RGS6: variants seen among roughly 807,000 people sequenced by gnomAD.
RGS6 encodes regulator of G protein signaling 6, also known as regulator of G-protein signaling 6.
In RGS6, 30 loss-of-function variants were observed where a neutral mutation model predicts 78.5. The ratio of observed to expected loss-of-function variants is 0.38; its 90% CI spans 0.29 to 0.52. RGS6 has a LOEUF of 0.52. Ranked by LOEUF, RGS6 falls within the 20% of genes least tolerant of loss-of-function variation. The probability of loss-of-function intolerance (pLI) is 0.85; values close to 1 mark genes in which losing one functional copy is unlikely to be tolerated. For synonymous variants in RGS6, 206 were observed against 206.0 expected, an observed-to-expected ratio of 1.00 and a Z score of 0.00; for missense variants, 495 against 609.7, an observed-to-expected ratio of 0.81 and a Z score of 1.98.
At chr14:72,000,855 A>G (rs2083293640) in intron 2 of RGS6, among the ~76,000 whole-genome samples, 1 of 152,160 alleles carries the variant, frequency 6.6e-6, no homozygotes, top group South Asian at 2.1e-4. Context: ...GAGGAGTTTC[A>G]TATTGAAAGA....
chr14:72,539,249 A>G lies in RGS6; in HGVS notation c.1369-792A>G, dbSNP rs3825713. Among the ~76,000 whole-genome samples the G allele has an allele frequency of 9.3e-3, 1,420 of 152,226 alleles. 17 individuals carry two copies. Among genetic ancestry groups the G allele is most frequent in the East Asian group, 0.059 (303 of 5,160 alleles). Reference sequence around the variant, plus strand: ...CGCTCCTGTTCTGGGAACCCCAGCTAAGAGTTCCCCACAATGGTTTCTGAG... The same window carrying G: ...CGCTCCTGTTCTGGGAACCCCAGCTGAGAGTTCCCCACAATGGTTTCTGAG... On this transcript the variant is annotated intron_variant, in intron 16 of 17. Transcript: ENST00000553525.
chr14:72,382,016 C>T (rs1022536884), intron 3 of RGS6, among the ~76,000 whole-genome samples: 1 of 151,592 alleles, frequency 6.6e-6, no homozygotes, highest in Non-Finnish European at 1.5e-5. Context: ...TATCCAGATG[C>T]AGAAGAATGG....
intron 2 of RGS6, among the ~76,000 whole-genome samples, chr14:72,346,759 C>T (rs1007877809): frequency 1.3e-5 from 2 of 152,228 alleles, no homozygotes; most frequent in African/African-American, 4.8e-5. Flanking sequence ...TGAGGCCAGC[C>T]AGTCTCCTGG....
chr14:72,196,619 T>C (rs2040222529), intron 2 of RGS6, among the ~76,000 whole-genome samples: 2 of 152,188 alleles, frequency 1.3e-5, no homozygotes. Context: ...AAAGGGAAAA[T>C]ATGTGTACCA....
intron 2 of RGS6, among the ~76,000 whole-genome samples, chr14:72,001,636 A>G (rs565846794): frequency 2.6e-5 from 4 of 152,126 alleles, no homozygotes; most frequent in Non-Finnish European, 4.4e-5. Context: ...ATTTTCTTTT[A>G]CACCTTGGTT....
chr14:72,028,646 G>C lies in RGS6; in HGVS notation c.84+63771G>C, dbSNP rs76703358. On this transcript the variant is annotated intron_variant, in intron 2 of 17. Coordinates refer to ENST00000553525, the MANE Select transcript of RGS6 (RefSeq NM_001204424.2). ...TTTTTGTTTTAAATGTCAGCACATG[G>C]AGACCTTATTCTAAGGCTGCGTCTG... Among the ~76,000 whole-genome samples, 519 of 152,334 alleles carry C rather than the reference G, an allele frequency of 3.4e-3. 7 individuals are homozygous for C. The highest frequency in any genetic ancestry group is 0.012 in the African/African-American group (492 of 41,584).
chr14:72,399,954 A>G (rs529337384), intron 3 of RGS6, among the ~76,000 whole-genome samples: 2 of 152,330 alleles, frequency 1.3e-5, no homozygotes, highest in African/African-American at 4.8e-5. Context: ...ACCAAGTTGG[A>G]AAACACTCTG....
At chr14:72,408,203 C>T (rs1416711896) in intron 3 of RGS6, among the ~76,000 whole-genome samples, 1 of 152,210 alleles carries the variant, frequency 6.6e-6, no homozygotes, top group East Asian at 1.9e-4. Flanking sequence ...CTGACTTGCA[C>T]TCAGCAGTTT....
At chr14:72,285,243 T>A (rs2062316467) in intron 2 of RGS6, among the ~76,000 whole-genome samples, 1 of 152,142 alleles carries the variant, frequency 6.6e-6, no homozygotes, top group African/African-American at 2.4e-5. Context: ...GGGGGCAGAA[T>A]GATATGGTTT....
the RGS6 span, among the ~76,000 whole-genome samples, chr14:71,909,443 G>T: frequency 6.6e-6 from 1 of 152,102 alleles, no homozygotes; most frequent in Non-Finnish European, 1.5e-5. Flanking sequence ...GTGTGTATGT[G>T]TGAGAGACAG....
the RGS6 span, among the ~76,000 whole-genome samples, chr14:71,898,414 A>C: frequency 6.6e-6 from 1 of 152,182 alleles, no homozygotes; most frequent in Admixed American, 6.5e-5. Flanking sequence ...GCCTAGTTGA[A>C]GCCTTTAGCA....
At chr14:72,284,638 G>T (rs1052278716) in intron 2 of RGS6, among the ~76,000 whole-genome samples, 1 of 152,232 alleles carries the variant, frequency 6.6e-6, no homozygotes, top group Admixed American at 6.5e-5. Context: ...GGGCAGTGCA[G>T]AAGGAAAATG....
chr14:72,026,925 A>G (rs1326477812), intron 2 of RGS6, among the ~76,000 whole-genome samples: 1 of 152,226 alleles, frequency 6.6e-6, no homozygotes, highest in Non-Finnish European at 1.5e-5. Flanking sequence ...TGGGAAGCTC[A>G]GGAGAGCCTC....
intron 2 of RGS6, among the ~76,000 whole-genome samples, chr14:72,337,531 A>G (rs2076260261): frequency 6.6e-6 from 1 of 152,058 alleles, no homozygotes; most frequent in African/African-American, 2.4e-5. Flanking sequence ...GGTAGACAGC[A>G]ACATCCCCAT....
intron 3 of RGS6, among the ~76,000 whole-genome samples, chr14:72,435,824 C>A (rs985222620): frequency 7.1e-6 from 1 of 140,740 alleles, no homozygotes; most frequent in Non-Finnish European, 1.5e-5. Context: ...TTCATAAGAA[C>A]CCTTTTGATT....
chr14:72,474,675 G>A lies in RGS6; in HGVS notation c.669G>A (p.Leu223=). The A allele has an allele frequency of 6.2e-7, 1 of 1,613,708 alleles. No individual in the cohort carries two copies. The highest frequency in any genetic ancestry group is 8.5e-7 in the Non-Finnish European group (1 of 1,179,864). Residue 223 remains leucine, a synonymous_variant, in exon 10 of 18, where the codon TTG becomes TTA. Coordinates refer to ENST00000553525, the MANE Select transcript of RGS6 (RefSeq NM_001204424.2). ...TEMDIRKCRR[L]KNPQKVKKSV... is the part of the protein sequence containing the mutation. ...TGGATATCCGAAAATGTCGACGTTT[G>A]AAGAATCCACAAAAGGTTAAAAAGG...
At chr14:72,620,160 G>T in the RGS6 span, among the ~76,000 whole-genome samples, 4 of 151,968 alleles carry the variant, frequency 2.6e-5, no homozygotes. Flanking sequence ...CCCACAACTG[G>T]AGTTTCCCCC....
intron 2 of RGS6, among the ~76,000 whole-genome samples, chr14:72,267,113 G>A (rs972635945): frequency 6.6e-6 from 1 of 152,080 alleles, no homozygotes; most frequent in Admixed American, 6.6e-5. Flanking sequence ...ATGATTTCTG[G>A]CTAATTTTTG....
intron 16 of RGS6, among the ~76,000 whole-genome samples, chr14:72,538,216 G>A (rs1490575560): frequency 6.6e-6 from 1 of 152,088 alleles, no homozygotes; most frequent in Non-Finnish European, 1.5e-5. Context: ...CTGATTTCAG[G>A]GACGGGTTCA....
Sources: allele counts gnomAD v4.1 joint callset (sites outside exome capture counted in the v4.1 genomes callset), GRCh38; gene constraint gnomAD v4.1.1; transcripts MANE v1.5; gene names NCBI Gene and HGNC (gene_info 2026-07-23, HGNC 2026-07-21).